Variants in NHLRC3 observed in about 807,000 individuals in gnomAD.
NHLRC3 encodes NHL repeat containing 3.
In NHLRC3, 23 loss-of-function variants were observed where a neutral mutation model predicts 32.0. That is an observed-to-expected ratio of 0.72 (90% CI 0.52 to 1.02). The LOEUF (loss-of-function observed/expected upper bound fraction) is 1.02. NHLRC3 is among the 50% of genes least tolerant of loss of function. NHLRC3 has a pLI of 0.00. For missense variants in NHLRC3, 407 were observed against 406.8 expected (o/e 1.00, Z -0.01); for synonymous variants, 159 against 147.9 (o/e 1.08, Z -0.55).
rs1314888285 is a variant in NHLRC3 at position 39,048,845 on chromosome 13, TTTTCTTTTTC to T, written c.*928_*937del. The T allele has an allele frequency of 6.6e-6, 1 of 152,616 alleles. No individual in the cohort carries two copies. Among genetic ancestry groups the T allele is most frequent in the Non-Finnish European group, 1.5e-5 (1 of 68,034 alleles). 9.5% of individuals were successfully genotyped at this position (152,616 alleles called of 1,614,324 possible). A position where few individuals can be genotyped will look rare whatever the true frequency, so the allele number is the denominator to read the frequency against. On this transcript the variant is annotated 3_prime_UTR_variant, in exon 7 of 7. Transcript: ENST00000379600. ...GATTGTAGAGCTTCCTTCTCTTTTT[TTTTCTTTTTC>T]TTTCTTTTGTTTTACATGAACTCAA... is the stretch of plus-strand genomic sequence containing the variant.
rs369370621 is a variant in NHLRC3, at chr13:39,039,323, CAAAG to C, written c.237+36_237+39del. ...TAGAGATTTAAAAAAATTATGAACA[CAAAG>C]GAAGTAACAGCCTTCCTGTCTTGCT... On this transcript the variant is annotated intron_variant, in intron 2 of 6. Transcript: ENST00000379600. 3.3e-4 allele frequency: 505 copies of C among 1,544,616 alleles called. 1 individual carries two copies. In the African/African-American group the frequency reaches 4.5e-3, roughly 14 times the overall value.
At position 39,042,241 on chromosome 13, in the gene NHLRC3, A is replaced by G. The variant is rs746913510; in HGVS notation, c.522A>G (p.Thr174=). The change falls in exon 4 of 7, where the codon ACA becomes ACG. Residue 174 remains threonine, a synonymous_variant. Transcript: ENST00000379600. ...DNPAELYVED[T]GDIYIVDGDG... is the part of the protein sequence containing the mutation. ...CAGCAGAATTATATGTAGAGGACAC[A>G]GGAGATATTTACATTGTGGATGGAG... is the stretch of plus-strand genomic sequence containing the variant. 3.7e-6 allele frequency: 6 copies of G among 1,610,776 alleles called. No homozygotes were observed. Among genetic ancestry groups the G allele is most frequent in the Non-Finnish European group, 4.2e-6 (5 of 1,177,132 alleles).
intron 6 of NHLRC3, 70 bp downstream of exon 6, chr13:39,047,222 T>A: frequency 2.5e-6 from 2 of 815,126 alleles, no homozygotes; most frequent in Middle Eastern, 2.3e-4. Flanking sequence ...TCTGAATAGC[T>A]AGCTGAAAGT....
At position 39,039,618 on chromosome 13, in the gene NHLRC3, C is replaced by A; in HGVS notation, c.292C>A (p.Arg98=). Residue 98 remains arginine, a synonymous_variant, in exon 3 of 7, where the codon CGA becomes AGA. Coordinates refer to ENST00000379600, the MANE Select transcript of NHLRC3 (RefSeq NM_001012754.4). ...LVFTEDGYFL[R]AWNYTVDTPH... ...GTTCACAGAGGATGGATATTTCCTA[C>A]GAGCCTGGAATTATACAGTTGACAC... The A allele has an allele frequency of 6.2e-7, 1 of 1,610,412 alleles. No homozygotes were observed. The highest frequency in any genetic ancestry group is 1.7e-4 in the Middle Eastern group (1 of 6,054).
intron 1 of NHLRC3, 58 bp from the exon 2 acceptor site, chr13:39,039,078 C>CTTTTTTTTTTTTT: frequency 9.6e-7 from 1 of 1,038,074 alleles, no homozygotes. Context: ...CCCCCCCGCC[C>CTTTTTTTTTTTTT]TTTTTTTGTT....
intron 1 of NHLRC3, 56 bp from the exon 2 acceptor site, chr13:39,039,078 CTT>C (rs1015202335): frequency 1.3e-4 from 138 of 1,038,240 alleles, no homozygotes; most frequent in Non-Finnish European, 1.9e-4. Flanking sequence ...CCCCCCCGCC[CTT>C]TTTTTGTTCT....
At chr13:39,040,118 G>T (rs1871406790) in intron 3 of NHLRC3, 1 of 152,266 alleles carries the variant, frequency 6.6e-6, no homozygotes, top group African/African-American at 2.4e-5. Context: ...AACCCGGGAG[G>T]CGGAGCTTGC....
intron 5 of NHLRC3, among the ~76,000 whole-genome samples, chr13:39,045,278 A>G (rs1409208080): frequency 1.3e-5 from 2 of 152,210 alleles, no homozygotes. Flanking sequence ...ACTTTTGCAC[A>G]TTATCCTCCT....
chr13:39,039,078 C>CATTT, intron 1 of NHLRC3, 58 bp from the exon 2 acceptor site: 33 of 1,037,946 alleles, frequency 3.2e-5, no homozygotes, highest in East Asian at 5.2e-5. Flanking sequence ...CCCCCCCGCC[C>CATTT]TTTTTTTGTT....
intron 3 of NHLRC3, chr13:39,040,117 G>A (rs1315348926): frequency 2.0e-5 from 3 of 152,410 alleles, no homozygotes; most frequent in African/African-American, 7.3e-5. Context: ...GAACCCGGGA[G>A]GCGGAGCTTG....
At chr13:39,041,258 G>A (rs77515743) in intron 3 of NHLRC3, 105 of 152,024 alleles carry the variant, frequency 6.9e-4, no homozygotes, top group African/African-American at 2.5e-3. Context: ...TAGAAACTTG[G>A]AGGCTTATGT....
intron 3 of NHLRC3, chr13:39,040,302 A>G (rs1013446776): frequency 6.6e-6 from 1 of 152,210 alleles, no homozygotes; most frequent in African/African-American, 2.4e-5. Context: ...CTCAGATTAA[A>G]TAACTCTAAA....
In NHLRC3 at chr13:39,038,608, G is replaced by A. The variant is rs753384887; in HGVS notation, c.-32G>A. Reference sequence around the variant, plus strand: ...GTCAGGTCCTCCCCCAGACACCTGCGGACCCTCCCTCTCCTGGCTTCCCGT... The same window carrying A: ...GTCAGGTCCTCCCCCAGACACCTGCAGACCCTCCCTCTCCTGGCTTCCCGT... On this transcript the variant is annotated 5_prime_UTR_variant, in exon 1 of 7. Coordinates refer to ENST00000379600, the MANE Select transcript of NHLRC3 (RefSeq NM_001012754.4). 15 of 1,593,586 alleles carry A rather than the reference G, an allele frequency of 9.4e-6. No individual in the cohort carries two copies. Among genetic ancestry groups the A allele is most frequent in the Non-Finnish European group, 1.2e-5 (14 of 1,161,222 alleles).
At position 39,049,220 on chromosome 13, in the gene NHLRC3, TC is replaced by T. The variant is rs1327269317; in HGVS notation, c.*1295del. On this transcript the variant is annotated 3_prime_UTR_variant, in exon 7 of 7. Coordinates refer to ENST00000379600, the MANE Select transcript of NHLRC3 (RefSeq NM_001012754.4). Reference sequence around the variant, plus strand: ...ACAAATCTTGAGCTGACTTTCCTCTTCACCTGTTATGGCTGGAGTATTTTCC... The same window carrying T: ...ACAAATCTTGAGCTGACTTTCCTCTTACCTGTTATGGCTGGAGTATTTTCC... The T allele has an allele frequency of 1.3e-5, 2 of 152,638 alleles. No homozygotes were observed. The highest frequency in any genetic ancestry group is 2.9e-5 in the Non-Finnish European group (2 of 68,044). The allele number at this position is 152,638 out of a possible 1,614,324, so 9.5% of individuals were successfully genotyped here.
At chr13:39,040,095 G>A (rs1242121784) in intron 3 of NHLRC3, 1 of 153,092 alleles carries the variant, frequency 6.5e-6, no homozygotes, top group Non-Finnish European at 1.5e-5. Flanking sequence ...GGCTGAGGCA[G>A]GAGAATGGCG....
At chr13:39,043,719 C>T (rs73458092) in intron 4 of NHLRC3, among the ~76,000 whole-genome samples, 8,517 of 152,030 alleles carry the variant, frequency 0.056, 733 homozygotes, top group African/African-American at 0.18. Flanking sequence ...AGGAGATAGA[C>T]GGTAAAATCA....
At chr13:39,045,263 A>C (rs934125150) in intron 5 of NHLRC3, among the ~76,000 whole-genome samples, 3 of 152,210 alleles carry the variant, frequency 2.0e-5, no homozygotes, top group Admixed American at 6.5e-5. Flanking sequence ...GAAACTTTGA[A>C]TTAAACTTTT....
At chr13:39,041,910 G>T in intron 3 of NHLRC3, 195 bp from the exon 4 acceptor site, 1 of 528,432 alleles carries the variant, frequency 1.9e-6, no homozygotes, top group Non-Finnish European at 3.3e-6. Context: ...GACTAATGGA[G>T]ATTTTAATTC....
chr13:39,041,968 A>G, intron 3 of NHLRC3, 137 bp from the exon 4 acceptor site: 3 of 592,968 alleles, frequency 5.1e-6, no homozygotes, highest in Non-Finnish European at 8.9e-6. Flanking sequence ...GTGCTTGTCA[A>G]TTATATGTAA....
Sources: allele counts gnomAD v4.1 joint callset (sites outside exome capture counted in the v4.1 genomes callset), GRCh38; gene constraint gnomAD v4.1.1; transcripts MANE v1.5; gene names NCBI Gene and HGNC (gene_info 2026-07-23, HGNC 2026-07-21).